TP73: variants seen among roughly 807,000 people sequenced by gnomAD.
TP73 encodes tumor protein p73.
TP73 carries 25 observed loss-of-function variants against 62.5 expected under a neutral mutation model. The ratio of observed to expected loss-of-function variants is 0.40; its 90% CI spans 0.29 to 0.56. TP73 has a LOEUF of 0.56. TP73 is among the 20% of genes least tolerant of loss of function. The pLI, the probability that TP73 is intolerant of heterozygous loss-of-function variation, is 0.46. For synonymous variants in TP73, 423 were observed against 377.5 expected (o/e 1.12, Z -1.40); for missense variants, 754 against 913.3 (o/e 0.83, Z 2.25).
At chr1:3,698,246 C>A in intron 3 of TP73, 1 of 431,528 alleles carries the variant, frequency 2.3e-6, no homozygotes, top group Non-Finnish European at 3.1e-6. Context: ...GTGCTGGCAG[C>A]AGGGTTCGGA....
intron 5 of TP73, 59 bp downstream of exon 5, chr1:3,722,266 C>T: frequency 6.3e-7 from 1 of 1,579,818 alleles, no homozygotes; most frequent in South Asian, 1.1e-5. Flanking sequence ...CCGGACAGCA[C>T]AGCCGGGGGC....
At chr1:3,724,539 T>C (rs1570614673) in intron 6 of TP73, among the ~76,000 whole-genome samples, 1 of 152,170 alleles carries the variant, frequency 6.6e-6, no homozygotes, top group Non-Finnish European at 1.5e-5. Flanking sequence ...CTGAAACCCA[T>C]GTCCCACCCT....
chr1:3,684,570 C>T (rs1645605591), intron 3 of TP73, among the ~76,000 whole-genome samples: 1 of 152,100 alleles, frequency 6.6e-6, no homozygotes, highest in African/African-American at 2.4e-5. Context: ...CAGAGTGAAG[C>T]GGGGTGGGGG....
intron 3 of TP73, 64 bp downstream of exon 3, chr1:3,683,244 G>C: frequency 6.6e-7 from 1 of 1,523,046 alleles, no homozygotes; most frequent in Non-Finnish European, 8.9e-7. Flanking sequence ...GGCCTGTCCT[G>C]TCTTGGGAGC....
In TP73 at chr1:3,693,898, G is replaced by T. The variant is rs371125221; in HGVS notation, c.186+10718G>T. Among the ~76,000 whole-genome samples, 9 of 22,682 alleles carry T rather than the reference G, an allele frequency of 4.0e-4. 1 individual carries two copies. The highest frequency in any genetic ancestry group is 9.2e-4 in the African/African-American group (9 of 9,808). 14.9% of individuals were successfully genotyped at this position (22,682 alleles called of 152,430 possible). A position where few individuals can be genotyped will look rare whatever the true frequency, so the allele number is the denominator to read the frequency against. On this transcript the variant is annotated intron_variant, in intron 3 of 13. Coordinates refer to ENST00000378295, the MANE Select transcript of TP73 (RefSeq NM_005427.4). ...CCATGCAGCCTCCGCCCCTCCTCCC[G>T]CAATCCCAGCCCTGCAGCCTCAGCC... is the stretch of plus-strand genomic sequence containing the variant.
chr1:3,710,344 C>T (rs1265366608), intron 4 of TP73, among the ~76,000 whole-genome samples: 1 of 152,122 alleles, frequency 6.6e-6, no homozygotes, highest in Non-Finnish European at 1.5e-5. Context: ...GGGGCCAGAA[C>T]CCCCTCCACC....
Position 3,707,810 on chromosome 1 carries a change from T to C in TP73, c.429+19T>C. On this transcript the variant is annotated intron_variant, in intron 4 of 13. Coordinates refer to ENST00000378295, the MANE Select transcript of TP73 (RefSeq NM_005427.4). Reference sequence around the variant, plus strand: ...CTGGACGGTGAGTTCCCCTAGTCCCTGAGGGCTGCGGGCTGCGGGCTGCGG... The same window carrying C: ...CTGGACGGTGAGTTCCCCTAGTCCCCGAGGGCTGCGGGCTGCGGGCTGCGG... 1 of 1,607,814 alleles carries C rather than the reference T, an allele frequency of 6.2e-7. No individual in the cohort carries two copies. The highest frequency in any genetic ancestry group is 8.5e-7 in the Non-Finnish European group (1 of 1,176,934).
intron 1 of TP73, among the ~76,000 whole-genome samples, chr1:3,669,899 C>G (rs974845073): frequency 3.9e-4 from 60 of 152,096 alleles, no homozygotes; most frequent in African/African-American, 1.4e-3. Context: ...CACATGTGTG[C>G]GCATATGTGA....
At chr1:3,682,494 C>A (rs925433551) in intron 2 of TP73, 64 bp downstream of exon 2, 13 of 1,374,516 alleles carry the variant, frequency 9.5e-6, no homozygotes, top group Non-Finnish European at 1.2e-5. Context: ...CTAGCCTCAG[C>A]CACCTTCGCT....
chr1:3,697,841 G>C (rs563280780), intron 3 of TP73, among the ~76,000 whole-genome samples: 1 of 152,204 alleles, frequency 6.6e-6, no homozygotes, highest in Non-Finnish European at 1.5e-5. Context: ...TCTGGCTCTG[G>C]GGCCTCTGCC....
chr1:3,717,148 C>T (rs967026832), intron 4 of TP73, among the ~76,000 whole-genome samples: 1 of 152,246 alleles, frequency 6.6e-6, no homozygotes, highest in African/African-American at 2.4e-5. Context: ...ATCACCTCTC[C>T]GCTGTCCTCC....
In TP73 at chr1:3,672,224, G is replaced by A. The variant is rs529120047; in HGVS notation, c.-33-10109G>A. On this transcript the variant is annotated intron_variant, in intron 1 of 13. Coordinates refer to ENST00000378295, the MANE Select transcript of TP73 (RefSeq NM_005427.4). The surrounding 1 kb of genome is among the most constrained non-coding windows in gnomAD (Gnocchi z 5.3). ...AGGGTGTCCAGAGGAGGGTGGCCAGGTGGGGACAGCAGCTTGAGAAGGGTC... is the reference window on the plus strand; with the variant it reads ...AGGGTGTCCAGAGGAGGGTGGCCAGATGGGGACAGCAGCTTGAGAAGGGTC... Among the ~76,000 whole-genome samples, 16 of 152,264 alleles carry A rather than the reference G, an allele frequency of 1.1e-4. No individual in the cohort carries two copies. The highest frequency in any genetic ancestry group is 3.9e-4 in the African/African-American group (16 of 41,534).
intron 13 of TP73, among the ~76,000 whole-genome samples, chr1:3,732,225 G>GAGGGTCAGTGCGAGCT (rs1553148316): frequency 5.3e-5 from 8 of 152,240 alleles, no homozygotes; most frequent in Admixed American, 3.9e-4. Flanking sequence ...AGACAGAGAT[G>GAGGGTCAGTGCGAGCT]AGGGTCAGTG....
At position 3,722,703 on chromosome 1, in the gene TP73, T is replaced by A. The variant is rs184678334; in HGVS notation, c.616+496T>A. 6.0e-5 allele frequency among the ~76,000 whole-genome samples: 9 copies of A among 150,244 alleles called. No homozygotes were observed. In the East Asian group the frequency reaches 1.8e-3, roughly 29 times the overall value. ...TGCACCTGGCACAGGGGTGGGCACC[T>A]CTCTGCACCTGGCACAGGGCTGGGC... is the stretch of plus-strand genomic sequence containing the variant. On this transcript the variant is annotated intron_variant, in intron 5 of 13. Transcript: ENST00000378295.
intron 6 of TP73, among the ~76,000 whole-genome samples, chr1:3,724,016 G>A (rs1379742949): frequency 2.6e-5 from 4 of 151,936 alleles, no homozygotes; most frequent in Admixed American, 6.6e-5. Flanking sequence ...GGGAGGCCCC[G>A]CTGGGCACCA....
intron 3 of TP73, among the ~76,000 whole-genome samples, chr1:3,697,793 G>A (rs1015559152): frequency 1.8e-4 from 28 of 152,240 alleles, no homozygotes; most frequent in Admixed American, 3.9e-4. Flanking sequence ...CAGGCAGAGC[G>A]GGGCTGGGTG....
intron 6 of TP73, among the ~76,000 whole-genome samples, chr1:3,724,920 G>A (rs1230403671): frequency 6.6e-6 from 1 of 152,168 alleles, no homozygotes; most frequent in African/African-American, 2.4e-5. Context: ...TTGGGAGGCT[G>A]AGGCAAGAGA....
At chr1:3,729,487 G>C in intron 10 of TP73, 39 bp downstream of exon 10, 1 of 1,611,388 alleles carries the variant, frequency 6.2e-7, no homozygotes, top group Non-Finnish European at 8.5e-7. Flanking sequence ...TGGGGAAGGA[G>C]GACATGGCTT....
intron 1 of TP73, among the ~76,000 whole-genome samples, chr1:3,669,415 G>A (rs1645191469): frequency 6.6e-6 from 1 of 152,220 alleles, no homozygotes; most frequent in African/African-American, 2.4e-5. Flanking sequence ...AGGGCTCCTC[G>A]TGTGACCCTA....
Sources: gnomAD v4.1 joint callset for allele counts (sites outside exome capture counted in the v4.1 genomes callset) on GRCh38, gnomAD v4.1.1 for gene constraint, Gnocchi (gnomAD v3.1) non-coding constraint, MANE v1.5 for transcripts, NCBI Gene and HGNC (gene_info 2026-07-23, HGNC 2026-07-21) for gene names.